The following MOB4 variants were observed in gnomAD, a reference collection of about 807,000 sequenced individuals.
MOB4 encodes the protein MOB-like protein phocein.
MOB4 carries 4 observed loss-of-function variants against 32.2 expected under a neutral mutation model. That is an observed-to-expected ratio of 0.12 (90% confidence interval 0.06 to 0.28). The LOEUF (loss-of-function observed/expected upper bound fraction) is 0.28. MOB4 is among the 10% of genes least tolerant of loss of function. MOB4 has a pLI of 1.00. For missense variants in MOB4, 158 were observed against 271.2 expected (o/e 0.58, Z 2.93); for synonymous variants, 88 against 88.1 (o/e 1.00, Z 0.01).
rs905607528 is a variant in MOB4, at chr2:197,536,028, A to T, written c.224+398A>T. Reference sequence around the variant, plus strand: ...ATCCTCCCACTTCAGCTTCCAGAGTAGCTGGGACTACAGGTGTGTGCCAGC... The same window carrying T: ...ATCCTCCCACTTCAGCTTCCAGAGTTGCTGGGACTACAGGTGTGTGCCAGC... On this transcript the variant is annotated intron_variant, in intron 3 of 7. Coordinates refer to ENST00000323303, the MANE Select transcript of MOB4 (RefSeq NM_015387.5). 4.6e-5 allele frequency among the ~76,000 whole-genome samples: 7 copies of T among 151,336 alleles called. No individual in the cohort carries two copies. The South Asian group carries it at 1.5e-3, about 31-fold the overall frequency.
rs1574652401 is a variant in MOB4 at position 197,544,636 on chromosome 2, T to C, written c.355-3700T>C. 2.0e-5 allele frequency among the ~76,000 whole-genome samples: 3 copies of C among 151,808 alleles called. No homozygotes were observed. In the Middle Eastern group the frequency reaches 0.01, roughly 516 times the overall value. On this transcript the variant is annotated intron_variant, in intron 5 of 7. Coordinates refer to ENST00000323303, the MANE Select transcript of MOB4 (RefSeq NM_015387.5). The stretch of plus-strand genomic sequence containing the variant: ...GGCGCTGTGGCGTGTGCCTGTAGTC[T>C]CAGCTACTTGGGAGGCTGAGGCAGG...
intron 1 of MOB4, 43 bp downstream of exon 1, chr2:197,516,189 G>T: frequency 6.4e-7 from 1 of 1,560,922 alleles, no homozygotes; most frequent in South Asian, 1.2e-5. Context: ...TAGGTGCCGA[G>T]CAGTGCTGCG....
rs1197139773 is a variant in MOB4 at position 197,550,674 on chromosome 2, C to T, written c.*28C>T. 1.3e-6 allele frequency: 2 copies of T among 1,565,664 alleles called. No individual in the cohort carries two copies. Among genetic ancestry groups the T allele is most frequent in the African/African-American group, 1.4e-5 (1 of 72,964 alleles). On this transcript the variant is annotated 3_prime_UTR_variant, in exon 8 of 8. Coordinates refer to ENST00000323303, the MANE Select transcript of MOB4 (RefSeq NM_015387.5). ...GGAATCATAGGAAAAATGTACTGAT[C>T]ATATAATTAACATTATGTACTGTAT...
intron 2 of MOB4, among the ~76,000 whole-genome samples, chr2:197,533,123 A>G (rs571582804): frequency 2.0e-5 from 3 of 152,272 alleles, no homozygotes; most frequent in East Asian, 1.9e-4. Context: ...ATTTCTATCC[A>G]TAGAAGGTGT....
At position 197,540,493 on chromosome 2, in the gene MOB4, C is replaced by G. The variant is rs905077021; in HGVS notation, c.354+56C>G. Reference sequence around the variant, plus strand: ...AAATTATTATAGCCTAAATCTCTCTCAAGACAATGTTAGACAAGTTTTTAG... The same window carrying G: ...AAATTATTATAGCCTAAATCTCTCTGAAGACAATGTTAGACAAGTTTTTAG... On this transcript the variant is annotated intron_variant, in intron 5 of 7. Transcript: ENST00000323303. The G allele has an allele frequency of 3.1e-5, 45 of 1,460,832 alleles. No homozygotes were observed. The African/African-American group carries it at 4.9e-4, about 16-fold the overall frequency. 90.5% of individuals were successfully genotyped at this position (1,460,832 alleles called of 1,614,324 possible).
rs149823426 is a variant in MOB4 at position 197,532,329 on chromosome 2, C to T, written c.124-3201C>T. Among the ~76,000 whole-genome samples, 404 of 152,244 alleles carry T rather than the reference C, an allele frequency of 2.7e-3. 5 individuals are homozygous for T. Among genetic ancestry groups the T allele is most frequent in the African/African-American group, 9.4e-3 (389 of 41,534 alleles). ...GACAGCTTGTAACTCCACTTAATAA[C>T]AAAATTTAGTAATTATATAAGTAAA... On this transcript the variant is annotated intron_variant, in intron 2 of 7. Coordinates refer to ENST00000323303, the MANE Select transcript of MOB4 (RefSeq NM_015387.5).
chr2:197,550,704 C>T lies in MOB4; in HGVS notation c.*58C>T, dbSNP rs1255081704. The T allele has an allele frequency of 1.9e-5, 28 of 1,483,814 alleles. No individual in the cohort carries two copies. The highest frequency in any genetic ancestry group is 5.1e-4 in the Middle Eastern group (2 of 3,902). The allele number at this position is 1,483,814 out of a possible 1,614,324, so 91.9% of individuals were successfully genotyped here. ...AATTAACATTATGTACTGTATATAT[C>T]ATTTTAGACACATCAATCATGTATC... On this transcript the variant is annotated 3_prime_UTR_variant, in exon 8 of 8. Transcript: ENST00000323303.
chr2:197,542,434 C>A (rs2086911852), intron 5 of MOB4, among the ~76,000 whole-genome samples: 1 of 152,174 alleles, frequency 6.6e-6, no homozygotes, highest in Admixed American at 6.6e-5. Flanking sequence ...ACTGCTTAGT[C>A]AGGAAACTAT....
rs369389495 is a variant in MOB4, at chr2:197,521,797, C to A, written c.61-1827C>A. Reference sequence around the variant, plus strand: ...AGAGTTTAAGGTTATCTCTCTTATTCCCTGAACAATTGCTGTTATCCTGTT... The same window carrying A: ...AGAGTTTAAGGTTATCTCTCTTATTACCTGAACAATTGCTGTTATCCTGTT... On this transcript the variant is annotated intron_variant, in intron 1 of 7. Transcript: ENST00000323303. Among the ~76,000 whole-genome samples the A allele has an allele frequency of 4.6e-5, 7 of 152,342 alleles. No individual in the cohort carries two copies. In the East Asian group the frequency reaches 1.2e-3, roughly 25 times the overall value.
intron 1 of MOB4, among the ~76,000 whole-genome samples, chr2:197,519,786 C>T (rs1483422550): frequency 6.6e-6 from 1 of 152,140 alleles, no homozygotes; most frequent in African/African-American, 2.4e-5. Flanking sequence ...AAACAACATT[C>T]TGTAAACTTC....
intron 3 of MOB4, among the ~76,000 whole-genome samples, chr2:197,539,141 A>G (rs2086852731): frequency 6.6e-6 from 1 of 151,898 alleles, no homozygotes; most frequent in Admixed American, 6.6e-5. Flanking sequence ...TCTGATGGGG[A>G]AACATAGTAT....
Position 197,530,032 on chromosome 2 carries a change from C to T in MOB4, c.124-5498C>T, listed in dbSNP as rs190012756. ...TCTCCCAGGCTGGAGTGCAGTGGCG[C>T]GATCTCGCCTCACTGCAATCCCCAC... On this transcript the variant is annotated intron_variant, in intron 2 of 7. Transcript: ENST00000323303. Among the ~76,000 whole-genome samples the T allele has an allele frequency of 7.9e-4, 120 of 151,732 alleles. 2 individuals are homozygous for T. The highest frequency in any genetic ancestry group is 6.7e-3 in the Admixed American group (102 of 15,264).
At chr2:197,532,613 G>A (rs984864234) in intron 2 of MOB4, among the ~76,000 whole-genome samples, 1 of 152,096 alleles carries the variant, frequency 6.6e-6, no homozygotes, top group African/African-American at 2.4e-5. Context: ...TTGAACCCAG[G>A]AAGCAGAGGT....
intron 2 of MOB4, chr2:197,533,666 A>T (rs192383552): frequency 1.6e-3 from 361 of 229,030 alleles, no homozygotes; most frequent in African/African-American, 8.3e-3. Flanking sequence ...CGGAGGTTGC[A>T]GTGAGCCAAG....
At chr2:197,550,432 A>T in intron 7 of MOB4, 46 bp downstream of exon 7, 1 of 1,600,182 alleles carries the variant, frequency 6.2e-7, no homozygotes, top group African/African-American at 1.3e-5. Flanking sequence ...TATCAGTGTA[A>T]CAGTAATATA....
Position 197,552,500 on chromosome 2 carries a change from T to A in MOB4, c.*1854T>A, listed in dbSNP as rs2087114354. The A allele has an allele frequency of 6.6e-6, 1 of 152,342 alleles. No individual in the cohort carries two copies. Among genetic ancestry groups the A allele is most frequent in the Non-Finnish European group, 1.5e-5 (1 of 68,040 alleles). 9.4% of individuals were successfully genotyped at this position (152,342 alleles called of 1,614,324 possible). A position where few individuals can be genotyped will look rare whatever the true frequency, so the allele number is the denominator to read the frequency against. The stretch of plus-strand genomic sequence containing the variant: ...ATCTGGCTGAGTATTTTGAAACACA[T>A]TTTGAATAATATGGCTTAGTGTTAA... On this transcript the variant is annotated 3_prime_UTR_variant, in exon 8 of 8. Transcript: ENST00000323303.
intron 1 of MOB4, among the ~76,000 whole-genome samples, chr2:197,519,131 A>G (rs2086469656): frequency 6.6e-6 from 1 of 151,650 alleles, no homozygotes; most frequent in South Asian, 2.1e-4. Flanking sequence ...CCTGACCTCA[A>G]GTGATCTTCC....
chr2:197,548,486 A>AG (rs2087036849), intron 6 of MOB4, 71 bp downstream of exon 6: 1 of 111,310 alleles, frequency 9.0e-6, no homozygotes, highest in Non-Finnish European at 1.8e-5. Flanking sequence ...TTTAGGGGGG[A>AG]GGGGGGAGGG....
At chr2:197,519,022 T>A (rs906794001) in intron 1 of MOB4, among the ~76,000 whole-genome samples, 1 of 152,074 alleles carries the variant, frequency 6.6e-6, no homozygotes, top group Non-Finnish European at 1.5e-5. Flanking sequence ...CCTCTGAAAG[T>A]GCTGGGATTA....
Sources: gnomAD v4.1 joint callset for allele counts (sites outside exome capture counted in the v4.1 genomes callset) on GRCh38, gnomAD v4.1.1 for gene constraint, MANE v1.5 for transcripts, NCBI Gene and HGNC (gene_info 2026-07-23, HGNC 2026-07-21) for gene names.